The following FRMD3 variants were observed in gnomAD, a reference collection of about 807,000 sequenced individuals.
FRMD3 encodes the protein FERM domain-containing protein 3.
A neutral mutation model predicts 70.2 loss-of-function variants in FRMD3; 33 were observed. That is an observed-to-expected ratio of 0.47 (90% CI 0.36 to 0.63). FRMD3 has a LOEUF of 0.63. Among genes scored for constraint, FRMD3 ranks in the 20% least tolerant of loss-of-function variants. The pLI is 0.00. For missense variants in FRMD3, 632 were observed against 711.4 expected (o/e 0.89, Z 1.27); for synonymous variants, 279 against 255.9 (o/e 1.09, Z -0.86).
intron 1 of FRMD3, among the ~76,000 whole-genome samples, chr9:83,418,855 T>C (rs574695113): frequency 1.3e-5 from 2 of 152,326 alleles, no homozygotes; most frequent in Non-Finnish European, 2.9e-5. Context: ...CAGTTCACAA[T>C]TGCGAAGCCT....
chr9:83,393,450 G>A (rs1554698234), intron 1 of FRMD3, among the ~76,000 whole-genome samples: 2 of 152,174 alleles, frequency 1.3e-5, no homozygotes, highest in Non-Finnish European at 2.9e-5. Flanking sequence ...CGACAGGGTG[G>A]TGGGATGGTT....
intron 1 of FRMD3, among the ~76,000 whole-genome samples, chr9:83,428,235 G>A (rs775721526): frequency 2.0e-5 from 3 of 152,020 alleles, no homozygotes; most frequent in Non-Finnish European, 4.4e-5. Flanking sequence ...AAAATTAGCT[G>A]GGCATGGTGG....
intron 6 of FRMD3, among the ~76,000 whole-genome samples, chr9:83,319,820 G>C (rs929681110): frequency 6.6e-6 from 1 of 152,196 alleles, no homozygotes; most frequent in Non-Finnish European, 1.5e-5. Context: ...TGCCATCCAT[G>C]TAAGATGTGA....
At chr9:83,480,044 C>A (rs1227639379) in intron 1 of FRMD3, among the ~76,000 whole-genome samples, 1 of 152,040 alleles carries the variant, frequency 6.6e-6, no homozygotes, top group African/African-American at 2.4e-5. Flanking sequence ...ATATTATCTC[C>A]TAAAGTAGAA....
At chr9:83,553,350 C>A in the FRMD3 span, among the ~76,000 whole-genome samples, 2 of 152,204 alleles carry the variant, frequency 1.3e-5, no homozygotes, top group African/African-American at 4.8e-5. Context: ...AGCTGTTAAC[C>A]TCATGGGGTT....
chr9:83,301,484 A>G (rs1398450823), intron 10 of FRMD3, among the ~76,000 whole-genome samples: 1 of 151,356 alleles, frequency 6.6e-6, no homozygotes, highest in African/African-American at 2.4e-5. Flanking sequence ...TTTTTTTTTA[A>G]TTCCAAGTTC....
At chr9:83,259,078 AT>A (rs1832860604) in intron 13 of FRMD3, among the ~76,000 whole-genome samples, 1 of 152,172 alleles carries the variant, frequency 6.6e-6, no homozygotes, top group Admixed American at 6.6e-5. Context: ...TGCCACAATG[AT>A]TGGAGGGGCT....
At chr9:83,543,417 C>G (rs961739410), upstream of FRMD3, among the ~76,000 whole-genome samples, 1 of 152,104 alleles carries the variant, frequency 6.6e-6, no homozygotes, top group African/African-American at 2.4e-5. Context: ...GCTTATGCAT[C>G]GGTGTGGGCG....
chr9:83,569,711 A>G, the FRMD3 span, among the ~76,000 whole-genome samples: 2,347 of 152,332 alleles, frequency 0.015, 50 homozygotes, highest in South Asian at 0.062. Flanking sequence ...TTGAAAGCCA[A>G]GTAGTACTTG....
Position 83,247,636 on chromosome 9 carries a change from T to C in FRMD3, c.*282A>G, listed in dbSNP as rs1215017497. 2 of 1,094,962 alleles carry C rather than the reference T, an allele frequency of 1.8e-6. No individual in the cohort carries two copies. The highest frequency in any genetic ancestry group is 4.6e-5 in the Admixed American group (1 of 21,896). The allele number at this position is 1,094,962 out of a possible 1,614,324, so 67.8% of individuals were successfully genotyped here. ...TAATTCAGTCCAATGTAACATGTAT[T>C]ATGATATAATAGATGAAGGGTATGT... On this transcript the variant is annotated 3_prime_UTR_variant, in exon 14 of 14. Transcript: ENST00000304195.
At position 83,311,883 on chromosome 9, in the gene FRMD3, T is replaced by C; in HGVS notation, c.773+4A>G. ...GAAAGCCAGTTTTCCAAAGAGGCAC[T>C]TACCATTTTATCAAATGGATTCTCT... On this transcript the variant is annotated splice_donor_region_variant and intron_variant, in intron 8 of 13. Coordinates refer to ENST00000304195, the MANE Select transcript of FRMD3 (RefSeq NM_174938.6). 2 of 1,592,778 alleles carry C rather than the reference T, an allele frequency of 1.3e-6. No individual in the cohort carries two copies. The highest frequency in any genetic ancestry group is 1.7e-6 in the Non-Finnish European group (2 of 1,163,592).
chr9:83,568,955 G>GATACATAC, the FRMD3 span, among the ~76,000 whole-genome samples: 6,822 of 130,676 alleles, frequency 0.052, 200 homozygotes, highest in East Asian at 0.077. Flanking sequence ...TAGATAGATA[G>GATACATAC]ATACATACAT....
Position 83,335,609 on chromosome 9 carries a change from T to C in FRMD3, c.503A>G (p.His168Arg), listed in dbSNP as rs750299771. The C allele has an allele frequency of 2.0e-5, 32 of 1,613,120 alleles. No individual in the cohort carries two copies. Among genetic ancestry groups the C allele is most frequent in the Non-Finnish European group, 2.6e-5 (31 of 1,179,302 alleles). Residue 168 changes from histidine to arginine, a missense_variant, in exon 6 of 14, where the codon CAT (histidine) becomes CGT (arginine). By Grantham distance (29) the His-to-Arg change is conservative. Around this residue, in one of 3 missense-constraint regions of FRMD3, gnomAD observed 208 missense variants for 247.7 expected, o/e 0.84. Transcript: ENST00000304195. ...AELGDYDPDE[H>R]PENYISEFEI... ...AAACTCACTGATGTAATTCTCAGGA[T>C]GCTCATCAGGATCGTAATCACCAAG... is the stretch of plus-strand genomic sequence containing the variant.
intron 10 of FRMD3, among the ~76,000 whole-genome samples, chr9:83,304,112 A>G (rs931426626): frequency 6.6e-6 from 1 of 152,194 alleles, no homozygotes; most frequent in African/African-American, 2.4e-5. Context: ...GTATGGATAT[A>G]CCGCATTTTG....
intron 1 of FRMD3, among the ~76,000 whole-genome samples, chr9:83,440,321 G>C (rs1411340126): frequency 6.6e-6 from 1 of 152,216 alleles, no homozygotes; most frequent in Admixed American, 6.5e-5. Flanking sequence ...CAATACATCA[G>C]TGATCAGTGT....
Position 83,343,302 on chromosome 9 carries a change from G to A in FRMD3, c.375-15C>T, listed in dbSNP as rs755685541. On this transcript the variant is annotated splice_polypyrimidine_tract_variant and intron_variant, in intron 4 of 13. Transcript: ENST00000304195. ...ATAAAAGGTATCTGCAATACAAAAG[G>A]AGAAATGGTCACTCTAACTTTTGGC... 1 of 1,552,512 alleles carries A rather than the reference G, an allele frequency of 6.4e-7. No homozygotes were observed. The highest frequency in any genetic ancestry group is 8.9e-7 in the Non-Finnish European group (1 of 1,123,768).
At position 83,372,907 on chromosome 9, in the gene FRMD3, A is replaced by C; in HGVS notation, c.295+6T>G. 1 of 1,610,914 alleles carries C rather than the reference A, an allele frequency of 6.2e-7. No homozygotes were observed. The highest frequency in any genetic ancestry group is 8.5e-7 in the Non-Finnish European group (1 of 1,177,214). On this transcript the variant is annotated splice_donor_region_variant and intron_variant, in intron 3 of 13. Coordinates refer to ENST00000304195, the MANE Select transcript of FRMD3 (RefSeq NM_174938.6). ...AGCAAAAGTAAAGTCACAGATTGAC[A>C]CTTACTTTTCATTTGCTTGAAGATG...
intron 1 of FRMD3, among the ~76,000 whole-genome samples, chr9:83,407,865 C>T (rs1319155020): frequency 7.8e-6 from 1 of 128,042 alleles, no homozygotes; most frequent in East Asian, 2.2e-4. Flanking sequence ...CTCTCTCTCT[C>T]TCTCTCTCAT....
chr9:83,433,652 T>C (rs991232193), intron 1 of FRMD3, among the ~76,000 whole-genome samples: 1 of 152,084 alleles, frequency 6.6e-6, no homozygotes, highest in Admixed American at 6.5e-5. Context: ...GAGCTTGTTT[T>C]CCTGCAACTA....
Sources: gnomAD v4.1 joint callset for allele counts (sites outside exome capture counted in the v4.1 genomes callset) on GRCh38, gnomAD v4.1.1 for gene constraint, gnomAD v4.1.1 regional missense constraint, MANE v1.5 for transcripts, NCBI Gene and HGNC (gene_info 2026-07-23, HGNC 2026-07-21) for gene names.